USP19: variants seen among roughly 807,000 people sequenced by gnomAD.
USP19 encodes the protein ubiquitin carboxyl-terminal hydrolase 19.
Under a neutral mutation model 144.8 loss-of-function variants are expected in USP19, and 40 were observed. That is an observed-to-expected ratio of 0.28 (90% CI 0.21 to 0.36). The LOEUF (loss-of-function observed/expected upper bound fraction) is 0.36, where lower values mean the gene tolerates loss of function less well. Among genes scored for constraint, USP19 ranks in the 10% least tolerant of loss-of-function variants. The pLI is 1.00. For synonymous variants in USP19, 701 were observed against 709.3 expected (o/e 0.99, Z 0.19); for missense variants, 1,518 against 1,822.5 (o/e 0.83, Z 3.04).
rs1328783590 is a variant in USP19 at position 49,116,111 on chromosome 3, G to A, written c.1407C>T (p.Ile469=). 5.0e-6 allele frequency: 8 copies of A among 1,613,170 alleles called. No homozygotes were observed. Among genetic ancestry groups the A allele is most frequent in the African/African-American group, 2.7e-5 (2 of 74,848 alleles). ...TCTGCCTCTTACGAAGGCAGATGTC[G>A]ATGCGAGAAGCCGTGAAACAGAAGG... The part of the protein sequence containing the change: ...QCTFCFTASR[I]DICLRKRQSQ... The change falls in exon 10 of 27, where the codon ATC becomes ATT. Residue 469 remains isoleucine (I), a synonymous_variant. Coordinates refer to ENST00000417901, the MANE Select transcript of USP19 (RefSeq NM_001199161.2). The surrounding 1 kb of genome is among the most constrained non-coding windows in gnomAD (Gnocchi z 5.0).
rs2044119420 is a variant in USP19 at position 49,116,312 on chromosome 3, G to C, written c.1323C>G (p.Pro441=). 3.7e-6 allele frequency: 6 copies of C among 1,613,176 alleles called. No individual in the cohort carries two copies. The highest frequency in any genetic ancestry group is 5.1e-6 in the Non-Finnish European group (6 of 1,179,772). ...NFLRLHPGCG[P]HTTFRWQVKL... is the part of the protein sequence containing the mutation. The stretch of plus-strand genomic sequence containing the variant: ...TCACCTGCCAACGGAAGGTGGTGTG[G>C]GGCCCACAGCCCGGGTGCAGCCTCA... Residue 441 remains proline, a synonymous_variant, in exon 9 of 27, where the codon CCC becomes CCG. Coordinates refer to ENST00000417901, the MANE Select transcript of USP19 (RefSeq NM_001199161.2). This position sits in a 1 kb window ranked among gnomAD's most constrained non-coding sequence, Gnocchi z 5.0.
In USP19 at chr3:49,116,111, G is replaced by C. The variant is rs1328783590; in HGVS notation, c.1407C>G (p.Ile469Met). ...QCTFCFTASR[I>M]DICLRKRQSQ... is the part of the protein sequence containing the mutation. ...TCTGCCTCTTACGAAGGCAGATGTC[G>C]ATGCGAGAAGCCGTGAAACAGAAGG... The change falls in exon 10 of 27, where the codon ATC becomes ATG. Residue 469 changes from isoleucine to methionine, a missense_variant. Coordinates refer to ENST00000417901, the MANE Select transcript of USP19 (RefSeq NM_001199161.2). This position sits in a 1 kb window ranked among gnomAD's most constrained non-coding sequence, Gnocchi z 5.0. 2 of 1,613,170 alleles carry C rather than the reference G, an allele frequency of 1.2e-6. No homozygotes were observed. The highest frequency in any genetic ancestry group is 1.3e-5 in the African/African-American group (1 of 74,848).
Position 49,111,943 on chromosome 3 carries a change from G to A in USP19, c.2871C>T (p.Ala957=). ...VSVPASRLTY[A]RLAQLLEGYA... ...AGCCCTCTAGCAACTGAGCGAGGCG[G>A]GCATAAGTGAGGCGTGAGGCAGGTA... Residue 957 remains alanine (A), a synonymous_variant, in exon 20 of 27, where the codon GCC becomes GCT. Transcript: ENST00000417901. This position sits in a 1 kb window ranked among gnomAD's most constrained non-coding sequence, Gnocchi z 5.9. 4.3e-6 allele frequency: 7 copies of A among 1,614,090 alleles called. No individual in the cohort carries two copies. Among genetic ancestry groups the A allele is most frequent in the East Asian group, 2.2e-5 (1 of 44,886 alleles).
Position 49,117,131 on chromosome 3 carries a change from C to A in USP19, c.837G>T (p.Glu279Asp). ...KRAVHLCRGP[E>D]GDGSRDDPGP... ...CAGGGTCATCCCTGGACCCGTCCCC[C>A]TCTGGCCCTCTGCAGAGATGCACAG... The change falls in exon 6 of 27, where the codon GAG becomes GAT. Residue 279 changes from glutamate (E) to aspartate (D), a missense_variant. This residue lies in a region of USP19 where 707 missense variants were observed against 728.9 expected (regional missense o/e 0.97). Coordinates refer to ENST00000417901, the MANE Select transcript of USP19 (RefSeq NM_001199161.2). The surrounding 1 kb of genome is among the most constrained non-coding windows in gnomAD (Gnocchi z 4.4). 6.5e-7 allele frequency: 1 copy of A among 1,547,086 alleles called. No homozygotes were observed. The highest frequency in any genetic ancestry group is 2.0e-5 in the Admixed American group (1 of 50,714).
chr3:49,118,399 C>G (rs1419163687), intron 2 of USP19, among the ~76,000 whole-genome samples: 1 of 151,992 alleles, frequency 6.6e-6, no homozygotes, highest in Admixed American at 6.6e-5. Context: ...GAAACCCCGT[C>G]TCTACTAAAA....
In USP19 at chr3:49,116,916, G is replaced by A; in HGVS notation, c.937C>T (p.Pro313Ser). The A allele has an allele frequency of 6.2e-7, 1 of 1,613,976 alleles. No homozygotes were observed. The highest frequency in any genetic ancestry group is 1.1e-5 in the South Asian group (1 of 91,078). Reference protein sequence around the residue: ...QVEADEQLCIPPLNSQTCLLG... With the variant: ...QVEADEQLCISPLNSQTCLLG... ...AGGCAGGTTTGGGAGTTCAGCGGTG[G>A]TATGCAAAGCTGTTCATCAGCCTCA... The change falls in exon 7 of 27, where the codon CCA becomes TCA. Residue 313 changes from proline to serine, a missense_variant. By Grantham distance (74) the Pro-to-Ser change is moderately conservative. Coordinates refer to ENST00000417901, the MANE Select transcript of USP19 (RefSeq NM_001199161.2). This position sits in a 1 kb window ranked among gnomAD's most constrained non-coding sequence, Gnocchi z 5.0.
chr3:49,111,832 G>C lies in USP19; in HGVS notation c.2904-19C>G, dbSNP rs746875484. On this transcript the variant is annotated intron_variant, in intron 20 of 26. Coordinates refer to ENST00000417901, the MANE Select transcript of USP19 (RefSeq NM_001199161.2). This position sits in a 1 kb window ranked among gnomAD's most constrained non-coding sequence, Gnocchi z 5.9. The stretch of plus-strand genomic sequence containing the variant: ...AGAGTACCTGGCAACAGAGAACAAC[G>C]CAAGTAAGACTCCTGACCAGCCCAT... 33 of 1,582,796 alleles carry C rather than the reference G, an allele frequency of 2.1e-5. No individual in the cohort carries two copies. Among genetic ancestry groups the C allele is most frequent in the Non-Finnish European group, 2.6e-5 (30 of 1,162,946 alleles).
chr3:49,108,977 G>T lies in USP19; in HGVS notation c.4039-449C>A. The T allele has an allele frequency of 6.2e-7, 1 of 1,611,956 alleles. No individual in the cohort carries two copies. Among genetic ancestry groups the T allele is most frequent in the South Asian group, 1.1e-5 (1 of 90,932 alleles). ...GCGAGCTCATCTCCAGCGACTCTGGGATACCAGAGGATAGAACACGTTGAG... is the reference window on the plus strand; with the variant it reads ...GCGAGCTCATCTCCAGCGACTCTGGTATACCAGAGGATAGAACACGTTGAG... On this transcript the variant is annotated intron_variant, in intron 26 of 26. Coordinates refer to ENST00000417901, the MANE Select transcript of USP19 (RefSeq NM_001199161.2). The surrounding 1 kb of genome is among the most constrained non-coding windows in gnomAD (Gnocchi z 4.8).
intron 2 of USP19, among the ~76,000 whole-genome samples, chr3:49,118,532 G>A (rs1189111513): frequency 6.6e-6 from 1 of 150,832 alleles, no homozygotes; most frequent in Non-Finnish European, 1.5e-5. Context: ...CCCGCAGTGA[G>A]CCAAGACGCC....
In USP19 at chr3:49,114,757, T is replaced by G. The variant is rs768038486; in HGVS notation, c.2292+6A>C. On this transcript the variant is annotated splice_donor_region_variant and intron_variant, in intron 15 of 26. Coordinates refer to ENST00000417901, the MANE Select transcript of USP19 (RefSeq NM_001199161.2). The surrounding 1 kb of genome is among the most constrained non-coding windows in gnomAD (Gnocchi z 4.5). ...GGGGGTCTCTTTCCAGGGGAGCCCA[T>G]CACACCTTGGCACACACAGGGCACA... is the stretch of plus-strand genomic sequence containing the variant. 3.1e-6 allele frequency: 5 copies of G among 1,613,988 alleles called. No homozygotes were observed. In the East Asian group the frequency reaches 1.1e-4, roughly 36 times the overall value.
At position 49,110,152 on chromosome 3, in the gene USP19, C is replaced by T. The variant is rs746203100; in HGVS notation, c.4038+32G>A. ...CGGCCCCAGTCTGTGAACTGTCCCC[C>T]AGTATTCTGTAAAGCCTCCCACATG... On this transcript the variant is annotated intron_variant, in intron 26 of 26. Coordinates refer to ENST00000417901, the MANE Select transcript of USP19 (RefSeq NM_001199161.2). The surrounding 1 kb of genome is among the most constrained non-coding windows in gnomAD (Gnocchi z 6.1). The T allele has an allele frequency of 6.7e-7, 1 of 1,499,392 alleles. No homozygotes were observed. Among genetic ancestry groups the T allele is most frequent in the African/African-American group, 1.4e-5 (1 of 71,612 alleles). The allele number at this position is 1,499,392 out of a possible 1,614,324, so 92.9% of individuals were successfully genotyped here.
At chr3:49,109,998 T>C in intron 26 of USP19, 186 bp downstream of exon 26, 1 of 610,532 alleles carries the variant, frequency 1.6e-6, no homozygotes, top group Non-Finnish European at 2.5e-6. Context: ...CTTGTATGTT[T>C]GTTAGTGTCC....
Position 49,112,241 on chromosome 3 carries a change from G to A in USP19, c.2765+43C>T, listed in dbSNP as rs149311549. 2.9e-3 allele frequency: 4,623 copies of A among 1,574,162 alleles called. 11 individuals carry two copies. Among genetic ancestry groups the A allele is most frequent in the Non-Finnish European group, 3.7e-3 (4,241 of 1,159,898 alleles). On this transcript the variant is annotated intron_variant, in intron 19 of 26. Coordinates refer to ENST00000417901, the MANE Select transcript of USP19 (RefSeq NM_001199161.2). This position sits in a 1 kb window ranked among gnomAD's most constrained non-coding sequence, Gnocchi z 4.9. ...AAGGGAAGGAGCAGGGTGGCACATG[G>A]AAGGTGGAAAGAAAGGGTAGGGGAG... is the stretch of plus-strand genomic sequence containing the variant.
rs1387429070 is a variant in USP19, at chr3:49,119,267, C to T, written c.-122G>A. 2.2e-6 allele frequency: 3 copies of T among 1,361,372 alleles called. No individual in the cohort carries two copies. The African/African-American group carries it at 4.4e-5, about 20-fold the overall frequency. The allele number at this position is 1,361,372 out of a possible 1,614,324, so 84.3% of individuals were successfully genotyped here. ...AACTCTTTGTGGCCAAATTCTCCAG[C>T]AAGGAACGGACAGCCTAATGGAAAG... On this transcript the variant is annotated 5_prime_UTR_variant, in exon 2 of 27. Coordinates refer to ENST00000417901, the MANE Select transcript of USP19 (RefSeq NM_001199161.2).
chr3:49,108,460 A>T lies in USP19; in HGVS notation c.4107T>A (p.Pro1369=). 2.2e-6 allele frequency: 3 copies of T among 1,346,680 alleles called. No individual in the cohort carries two copies. The highest frequency in any genetic ancestry group is 2.9e-6 in the Non-Finnish European group (3 of 1,037,250). The allele number at this position is 1,346,680 out of a possible 1,614,324, so 83.4% of individuals were successfully genotyped here. A position where few individuals can be genotyped will look rare whatever the true frequency, so the allele number is the denominator to read the frequency against. ...TGTAGGTGGGGGCTGGCCGATCCAC[A>T]GGGGGGGCGAAGCGTTCAGGGGCTG... The part of the protein sequence containing the change: ...TRTAPERFAP[P]VDRPAPTYSN... The change falls in exon 27 of 27, where the codon CCT becomes CCA. Residue 1369 remains proline (P), a synonymous_variant. Coordinates refer to ENST00000417901, the MANE Select transcript of USP19 (RefSeq NM_001199161.2). The surrounding 1 kb of genome is among the most constrained non-coding windows in gnomAD (Gnocchi z 4.8).
rs545848092 is a variant in USP19 at position 49,120,042 on chromosome 3, C to A, written c.-137+714G>T. 5.9e-5 allele frequency among the ~76,000 whole-genome samples: 9 copies of A among 152,312 alleles called. No homozygotes were observed. In the South Asian group the frequency reaches 1.9e-3, roughly 32 times the overall value. On this transcript the variant is annotated intron_variant, in intron 1 of 26. Coordinates refer to ENST00000417901, the MANE Select transcript of USP19 (RefSeq NM_001199161.2). ...ACCTTCCTTCCCAGATGCCTTCACT[C>A]ATGAGCTCTGAGCCACAAGGACCAC...
In USP19 at chr3:49,116,561, A is replaced by G. The variant is rs367856839; in HGVS notation, c.1173T>C (p.Tyr391=). ...VNLAFVKNDS[Y]EKGPDSVVVH... ...CCACCACTGAATCCGGGCCCTTCTC[A>G]TACGAGTCATTCTTGACAAACGCCA... is the stretch of plus-strand genomic sequence containing the variant. The change falls in exon 8 of 27, where the codon TAT becomes TAC. Residue 391 remains tyrosine (Y), a synonymous_variant. Coordinates refer to ENST00000417901, the MANE Select transcript of USP19 (RefSeq NM_001199161.2). This position sits in a 1 kb window ranked among gnomAD's most constrained non-coding sequence, Gnocchi z 5.0. The G allele has an allele frequency of 7.4e-6, 12 of 1,614,062 alleles. No homozygotes were observed. The highest frequency in any genetic ancestry group is 1.3e-5 in the African/African-American group (1 of 74,916).
At position 49,111,177 on chromosome 3, in the gene USP19, G is replaced by A. The variant is rs569125890; in HGVS notation, c.3329-11C>T. The A allele has an allele frequency of 6.6e-5, 107 of 1,613,850 alleles. No individual in the cohort carries two copies. In the East Asian group the frequency reaches 1.6e-3, roughly 24 times the overall value. ...CCAGTGGGGTGTCTCCTGGAGATTC[G>A]CAGGGAGAGAGGTCATGCAGCTGTG... On this transcript the variant is annotated splice_polypyrimidine_tract_variant and intron_variant, in intron 22 of 26. Coordinates refer to ENST00000417901, the MANE Select transcript of USP19 (RefSeq NM_001199161.2). The surrounding 1 kb of genome is among the most constrained non-coding windows in gnomAD (Gnocchi z 5.9).
At position 49,114,284 on chromosome 3, in the gene USP19, C is replaced by G; in HGVS notation, c.2293G>C (p.Val765Leu). The G allele has an allele frequency of 6.2e-7, 1 of 1,613,938 alleles. No homozygotes were observed. The highest frequency in any genetic ancestry group is 8.5e-7 in the Non-Finnish European group (1 of 1,179,852). The change falls in exon 16 of 27, where the codon GTC becomes CTC. Residue 765 changes from valine (V) to leucine (L), a missense_variant and splice_region_variant. Val to Leu is a conservative substitution (Grantham distance 32, BLOSUM62 1). Transcript: ENST00000417901. The surrounding 1 kb of genome is among the most constrained non-coding windows in gnomAD (Gnocchi z 4.5). ...SKLVCPVCAK[V>L]SITFDPFLYL... is the part of the protein sequence containing the mutation. ...AGAAACGGGTCAAAAGTGATGGAGA[C>G]CTGTGGATGTAGAGGTGGCACTGGG... is the stretch of plus-strand genomic sequence containing the variant.
Sources: allele counts gnomAD v4.1 joint callset (sites outside exome capture counted in the v4.1 genomes callset), GRCh38; gene constraint gnomAD v4.1.1; regional missense constraint gnomAD v4.1.1; non-coding constraint Gnocchi (gnomAD v3.1); transcripts MANE v1.5; gene names NCBI Gene and HGNC (gene_info 2026-07-23, HGNC 2026-07-21).